ARK2C: variants seen among roughly 807,000 people sequenced by gnomAD.
The protein encoded by ARK2C is arkadia (RNF111) C-terminal like ring finger ubiquitin ligase 2C.
chr18:46,396,072 G>T, the ARK2C span, among the ~76,000 whole-genome samples: 1 of 152,216 alleles, frequency 6.6e-6, no homozygotes, highest in Admixed American at 6.5e-5. Context: ...CATAGCAAAG[G>T]CAGGAATCTT....
the ARK2C span, among the ~76,000 whole-genome samples, chr18:46,350,861 G>A: frequency 6.6e-6 from 1 of 152,234 alleles, no homozygotes; most frequent in Non-Finnish European, 1.5e-5. Context: ...TTTGACGATA[G>A]CTGTTTATAA....
chr18:46,388,617 A>AC, the ARK2C span, among the ~76,000 whole-genome samples: 1 of 152,012 alleles, frequency 6.6e-6, no homozygotes, highest in Non-Finnish European at 1.5e-5. Flanking sequence ...GGAGCGATGG[A>AC]CCTCTGTGAC....
chr18:46,353,262 G>GGTAAATATTTTACCAAGA, the ARK2C span, among the ~76,000 whole-genome samples: 1 of 152,210 alleles, frequency 6.6e-6, no homozygotes, highest in Non-Finnish European at 1.5e-5. Flanking sequence ...GCACATCCTT[G>GGTAAATATTTTACCAAGA]GGCAAAATAT....
At chr18:46,359,582 C>G in the ARK2C span, among the ~76,000 whole-genome samples, 1 of 152,170 alleles carries the variant, frequency 6.6e-6, no homozygotes, top group African/African-American at 2.4e-5. Flanking sequence ...GCCTGAGAGC[C>G]ATGGACTCCA....
the ARK2C span, among the ~76,000 whole-genome samples, chr18:46,351,520 G>A: frequency 1.9e-4 from 29 of 152,274 alleles, no homozygotes; most frequent in African/African-American, 6.0e-4. Context: ...CTGCAGAGCC[G>A]CCCTGCCATT....
the ARK2C span, chr18:46,450,223 G>C: frequency 1.1e-6 from 1 of 919,806 alleles, no homozygotes; most frequent in Non-Finnish European, 1.8e-6. Flanking sequence ...GGTTACAGGT[G>C]GAGAAGTTGC....
chr18:46,411,585 G>A, the ARK2C span, among the ~76,000 whole-genome samples: 1 of 152,224 alleles, frequency 6.6e-6, no homozygotes, highest in African/African-American at 2.4e-5. Flanking sequence ...TCACGGAGTT[G>A]ATATTCTATA....
the ARK2C span, chr18:46,460,875 G>A: frequency 6.6e-6 from 1 of 152,542 alleles, no homozygotes; most frequent in African/African-American, 2.4e-5. Context: ...AGCAGACTGG[G>A]GTAATCCTTT....
the ARK2C span, among the ~76,000 whole-genome samples, chr18:46,342,046 T>A: frequency 2.0e-5 from 3 of 152,144 alleles, no homozygotes; most frequent in Non-Finnish European, 4.4e-5. Context: ...TCAAGATTGG[T>A]CCTGTCTGCA....
the ARK2C span, chr18:46,336,382 AAC>A: frequency 1.0e-6 from 1 of 971,026 alleles, no homozygotes; most frequent in African/African-American, 2.1e-5. Context: ...CACCCCCCCC[AAC>A]AAAAAAAAAT....
the ARK2C span, among the ~76,000 whole-genome samples, chr18:46,370,904 G>C: frequency 6.6e-6 from 1 of 152,126 alleles, no homozygotes; most frequent in African/African-American, 2.4e-5. Context: ...AAGGAGGATG[G>C]GCACATTGTG....
the ARK2C span, among the ~76,000 whole-genome samples, chr18:46,428,225 A>G: frequency 1.3e-5 from 2 of 152,232 alleles, no homozygotes; most frequent in African/African-American, 4.8e-5. Context: ...TCTGGCCAAC[A>G]TGGTGAAACC....
chr18:46,371,988 T>C, the ARK2C span, among the ~76,000 whole-genome samples: 1 of 152,232 alleles, frequency 6.6e-6, no homozygotes, highest in Non-Finnish European at 1.5e-5. Flanking sequence ...CCCATGTCAC[T>C]TCCGAGAGCT....
chr18:46,439,087 C>T, the ARK2C span, among the ~76,000 whole-genome samples: 1 of 152,178 alleles, frequency 6.6e-6, no homozygotes, highest in Non-Finnish European at 1.5e-5. Context: ...AGCAGCTGGA[C>T]CTGGGCTGTG....
chr18:46,353,498 C>A, the ARK2C span, among the ~76,000 whole-genome samples: 3 of 152,110 alleles, frequency 2.0e-5, no homozygotes, highest in African/African-American at 7.2e-5. Context: ...CCTGGCAGGT[C>A]GTAGGCACTC....
chr18:46,439,687 T>C, the ARK2C span, among the ~76,000 whole-genome samples: 13 of 132,732 alleles, frequency 9.8e-5, no homozygotes, highest in African/African-American at 3.6e-4. Flanking sequence ...CTTGGCACAA[T>C]AGATAAACTT....
At chr18:46,459,990 A>T in the ARK2C span, 1 of 152,514 alleles carries the variant, frequency 6.6e-6, no homozygotes, top group Non-Finnish European at 1.5e-5. Flanking sequence ...TCAACCCAAC[A>T]CCACAAGCTT....
the ARK2C span, among the ~76,000 whole-genome samples, chr18:46,432,911 C>G: frequency 1.3e-5 from 2 of 152,184 alleles, no homozygotes; most frequent in Non-Finnish European, 2.9e-5. Context: ...CGCCACTGCA[C>G]TCCAGCCTGG....
the ARK2C span, among the ~76,000 whole-genome samples, chr18:46,424,093 C>A: frequency 1.3e-5 from 2 of 152,216 alleles, no homozygotes. Flanking sequence ...CATACACAAA[C>A]AAAATGCCAA....
Sources: gnomAD v4.1 joint callset for allele counts (sites outside exome capture counted in the v4.1 genomes callset) on GRCh38, gnomAD v4.1.1 for gene constraint, MANE v1.5 for transcripts, NCBI Gene and HGNC (gene_info 2026-07-23, HGNC 2026-07-21) for gene names.